The following PPM1E variants were observed in gnomAD, a reference collection of about 807,000 sequenced individuals.
The protein encoded by PPM1E is protein phosphatase 1E.
Under a neutral mutation model 65.9 loss-of-function variants are expected in PPM1E, and 20 were observed. The observed-to-expected ratio is 0.30, with a 90% CI of 0.21 to 0.44. The LOEUF (loss-of-function observed/expected upper bound fraction) is 0.44. Among genes scored for constraint, PPM1E ranks in the 20% least tolerant of loss-of-function variants. PPM1E has a pLI of 1.00. For synonymous variants in PPM1E, 352 were observed against 374.9 expected, an observed-to-expected ratio of 0.94 and a Z score of 0.70; for missense variants, 713 against 953.1, an observed-to-expected ratio of 0.75 and a Z score of 3.32.
chr17:58,954,434 G>A (rs890137246), intron 1 of PPM1E, among the ~76,000 whole-genome samples: 4 of 152,132 alleles, frequency 2.6e-5, no homozygotes, highest in Non-Finnish European at 5.9e-5. Context: ...CCTTTGAAAA[G>A]AATAGAAATT....
chr17:58,915,347 T>TGTGGCAATGAGGATGACCAGAG (rs2051672417), intron 1 of PPM1E, among the ~76,000 whole-genome samples: 1 of 152,216 alleles, frequency 6.6e-6, no homozygotes, highest in South Asian at 2.1e-4. Flanking sequence ...CTGGTGGGAA[T>TGTGGCAATGAGGATGACCAGAG]GTGGCAATGA....
intron 1 of PPM1E, among the ~76,000 whole-genome samples, chr17:58,860,908 G>C (rs2050932106): frequency 6.6e-6 from 1 of 151,986 alleles, no homozygotes; most frequent in Non-Finnish European, 1.5e-5. Context: ...CTGCACTCCA[G>C]CCTGGGCGAC....
chr17:58,896,125 G>A (rs66526343), intron 1 of PPM1E, among the ~76,000 whole-genome samples: 5,479 of 32,028 alleles, frequency 0.17, 148 homozygotes, highest in African/African-American at 0.32. Context: ...AAAAAAAAAA[G>A]AAAAAGAAAA....
At chr17:58,790,158 A>G (rs116500648) in intron 1 of PPM1E, among the ~76,000 whole-genome samples, 1,713 of 152,274 alleles carry the variant, frequency 0.011, 38 homozygotes, top group African/African-American at 0.039. Context: ...TCCTGGGCTC[A>G]AGGGATCCTT....
chr17:58,777,208 A>G (rs2050002445), intron 1 of PPM1E, among the ~76,000 whole-genome samples: 1 of 152,188 alleles, frequency 6.6e-6, no homozygotes, highest in African/African-American at 2.4e-5. Flanking sequence ...CTTGGGTGAC[A>G]GAGTGAGACC....
intron 1 of PPM1E, among the ~76,000 whole-genome samples, chr17:58,775,114 G>A (rs1158276641): frequency 6.6e-6 from 1 of 152,156 alleles, no homozygotes; most frequent in Non-Finnish European, 1.5e-5. Context: ...GCCTCCCAAA[G>A]TGCTGGAATT....
At chr17:58,912,032 G>A (rs1232374660) in intron 1 of PPM1E, among the ~76,000 whole-genome samples, 3 of 152,156 alleles carry the variant, frequency 2.0e-5, no homozygotes, top group Non-Finnish European at 4.4e-5. Flanking sequence ...CTATCCCTGT[G>A]TCCTTCCCCT....
intron 1 of PPM1E, among the ~76,000 whole-genome samples, chr17:58,794,290 G>A (rs571350707): frequency 1.6e-4 from 25 of 151,844 alleles, no homozygotes; most frequent in African/African-American, 5.8e-4. Flanking sequence ...GTGTTGCCCA[G>A]GCTGGTCTCA....
chr17:58,973,718 T>C (rs888577467), intron 6 of PPM1E, among the ~76,000 whole-genome samples: 3 of 151,886 alleles, frequency 2.0e-5, no homozygotes, highest in African/African-American at 7.3e-5. Context: ...TTTGGGAGGC[T>C]GAGGTGGGCA....
intron 1 of PPM1E, among the ~76,000 whole-genome samples, chr17:58,889,341 C>A (rs2051317927): frequency 6.6e-6 from 1 of 152,150 alleles, no homozygotes; most frequent in Non-Finnish European, 1.5e-5. Flanking sequence ...TGGCTCACAC[C>A]TGTAATCCCA....
intron 1 of PPM1E, among the ~76,000 whole-genome samples, chr17:58,862,187 C>T (rs1396097961): frequency 6.6e-6 from 1 of 152,146 alleles, no homozygotes. Flanking sequence ...CAGTATTTAT[C>T]AAAAAGGATT....
At chr17:58,915,485 T>C (rs2051673946) in intron 1 of PPM1E, among the ~76,000 whole-genome samples, 1 of 152,212 alleles carries the variant, frequency 6.6e-6, no homozygotes, top group Non-Finnish European at 1.5e-5. Flanking sequence ...TCTCTCATCC[T>C]ATGGCTTAGA....
In PPM1E at chr17:58,982,757, G is replaced by T; in HGVS notation, c.*1726G>T. The T allele has an allele frequency of 1.7e-6, 1 of 576,606 alleles. No homozygotes were observed. Among genetic ancestry groups the T allele is most frequent in the South Asian group, 2.9e-5 (1 of 34,264 alleles). 35.7% of individuals were successfully genotyped at this position (576,606 alleles called of 1,614,324 possible). ...AGTCATTTCTTCTTCTCACGTCTGT[G>T]ACAAATGGTTGAAAAGGAGTCAACA... On this transcript the variant is annotated 3_prime_UTR_variant, in exon 7 of 7. Transcript: ENST00000308249.
intron 1 of PPM1E, among the ~76,000 whole-genome samples, chr17:58,887,399 T>A (rs1480336670): frequency 6.6e-6 from 1 of 152,142 alleles, no homozygotes; most frequent in Non-Finnish European, 1.5e-5. Flanking sequence ...ACTCCCGACC[T>A]CAGGTGATCT....
chr17:58,909,204 T>G (rs2051594309), intron 1 of PPM1E, among the ~76,000 whole-genome samples: 1 of 152,110 alleles, frequency 6.6e-6, no homozygotes, highest in South Asian at 2.1e-4. Flanking sequence ...CTCAGTTTTT[T>G]TGTTTGTCTG....
intron 1 of PPM1E, among the ~76,000 whole-genome samples, chr17:58,792,994 C>T (rs1339148139): frequency 5.9e-5 from 9 of 151,860 alleles, no homozygotes; most frequent in Admixed American, 5.9e-4. Flanking sequence ...ATGATCCGCC[C>T]GCCTTGGCCT....
rs549313386 is a variant in PPM1E at position 58,803,427 on chromosome 17, G to A, written c.464+46966G>A. Among the ~76,000 whole-genome samples the A allele has an allele frequency of 4.6e-5, 7 of 152,156 alleles. No homozygotes were observed. The South Asian group carries it at 1.0e-3, about 23-fold the overall frequency. On this transcript the variant is annotated intron_variant, in intron 1 of 6. Transcript: ENST00000308249. Reference sequence around the variant, plus strand: ...AATTCTTGCATCTCAGGGATAAATCGCACCTGATCATGGTGCATAGTCTTT... The same window carrying A: ...AATTCTTGCATCTCAGGGATAAATCACACCTGATCATGGTGCATAGTCTTT...
chr17:58,814,652 C>G (rs2050398965), intron 1 of PPM1E, among the ~76,000 whole-genome samples: 1 of 152,152 alleles, frequency 6.6e-6, no homozygotes, highest in African/African-American at 2.4e-5. Context: ...TTCACACAGA[C>G]CAGGGGTTGA....
At chr17:58,844,621 C>G (rs1227916505) in intron 1 of PPM1E, among the ~76,000 whole-genome samples, 1 of 152,152 alleles carries the variant, frequency 6.6e-6, no homozygotes, top group African/African-American at 2.4e-5. Flanking sequence ...CCACATGGGG[C>G]TTTTGAAGGT....
Sources: gnomAD v4.1 joint callset for allele counts (sites outside exome capture counted in the v4.1 genomes callset) on GRCh38, gnomAD v4.1.1 for gene constraint, MANE v1.5 for transcripts, NCBI Gene and HGNC (gene_info 2026-07-23, HGNC 2026-07-21) for gene names.